Variants in CTNND2 observed in about 807,000 individuals in gnomAD.
The protein encoded by CTNND2 is catenin delta-2.
In CTNND2, 22 loss-of-function variants were observed where a neutral mutation model predicts 144.4. The observed-to-expected ratio is 0.15, with a 90% confidence interval of 0.11 to 0.22. The LOEUF is 0.22. Ranked by LOEUF, CTNND2 falls within the 10% of genes least tolerant of loss-of-function variation. The pLI is 1.00. For missense variants in CTNND2, 1,353 were observed against 1,618.8 expected (o/e 0.84, Z 2.82); for synonymous variants, 751 against 695.6 (o/e 1.08, Z -1.25).
At chr5:11,814,876 T>C (rs1372264753) in intron 1 of CTNND2, among the ~76,000 whole-genome samples, 2 of 152,214 alleles carry the variant, frequency 1.3e-5, no homozygotes, top group Non-Finnish European at 2.9e-5. Context: ...GAGAACTGAG[T>C]TGATATTTCC....
chr5:11,156,254 C>T (rs1305862254), intron 12 of CTNND2, among the ~76,000 whole-genome samples: 2 of 152,142 alleles, frequency 1.3e-5, no homozygotes, highest in Non-Finnish European at 2.9e-5. Context: ...ATATAATTTG[C>T]ATTCATAGAT....
chr5:11,097,356 T>C (rs1561297460), intron 15 of CTNND2, among the ~76,000 whole-genome samples: 1 of 152,188 alleles, frequency 6.6e-6, no homozygotes. Context: ...CAATCTCTGG[T>C]TGCAAGCAAG....
rs185862430 is a variant in CTNND2, at chr5:11,226,460, G to A, written c.1761+10231C>T. Among the ~76,000 whole-genome samples, 844 of 152,264 alleles carry A rather than the reference G, an allele frequency of 5.5e-3. 5 individuals are homozygous for A. The highest frequency in any genetic ancestry group is 8.7e-3 in the Non-Finnish European group (592 of 68,020). On this transcript the variant is annotated intron_variant, in intron 10 of 21. Coordinates refer to ENST00000304623, the MANE Select transcript of CTNND2 (RefSeq NM_001332.4). ...TCACATGTCTGATAAAGACACACTC[G>A]AGACTAGATAATTTATAAAGGAAAG...
intron 1 of CTNND2, among the ~76,000 whole-genome samples, chr5:11,879,381 A>ATATATGTATATATATATATATATATG (rs1735860498): frequency 6.9e-6 from 1 of 145,358 alleles, no homozygotes; most frequent in Non-Finnish European, 1.5e-5. Flanking sequence ...ACACAAACAT[A>ATATATGTATATATATATATATATATG]TACATACATA....
chr5:11,463,356 T>C (rs1766385194), intron 3 of CTNND2, among the ~76,000 whole-genome samples: 1 of 152,226 alleles, frequency 6.6e-6, no homozygotes, highest in African/African-American at 2.4e-5. Flanking sequence ...TTTGAGTGCT[T>C]TGGATTTTTG....
At chr5:11,772,552 A>G (rs779387129) in intron 1 of CTNND2, among the ~76,000 whole-genome samples, 9 of 152,220 alleles carry the variant, frequency 5.9e-5, no homozygotes, top group Non-Finnish European at 1.2e-4. Context: ...CAGGTGTGTG[A>G]GCTCTTAATG....
At chr5:11,792,242 A>G (rs1334264177) in intron 1 of CTNND2, among the ~76,000 whole-genome samples, 2 of 152,178 alleles carry the variant, frequency 1.3e-5, no homozygotes, top group Non-Finnish European at 2.9e-5. Context: ...TACCCTCAAA[A>G]ACTGTTAGGC....
intron 1 of CTNND2, among the ~76,000 whole-genome samples, chr5:11,785,452 T>A (rs906978275): frequency 2.6e-5 from 4 of 152,212 alleles, no homozygotes; most frequent in Non-Finnish European, 5.9e-5. Flanking sequence ...TGTTATTTTT[T>A]AAAAAACTAA....
chr5:11,874,132 C>T (rs1735372049), intron 1 of CTNND2, among the ~76,000 whole-genome samples: 1 of 152,170 alleles, frequency 6.6e-6, no homozygotes, highest in African/African-American at 2.4e-5. Flanking sequence ...AAGTCCCATC[C>T]TAGTTTTAAG....
intron 15 of CTNND2, chr5:11,083,781 G>T: frequency 4.1e-6 from 2 of 483,092 alleles, no homozygotes; most frequent in Non-Finnish European, 5.7e-6. Context: ...TCTGTGGTAG[G>T]GTCCTCCTGG....
chr5:11,826,472 T>C (rs1399347258), intron 1 of CTNND2, among the ~76,000 whole-genome samples: 1 of 152,000 alleles, frequency 6.6e-6, no homozygotes, highest in African/African-American at 2.4e-5. Flanking sequence ...TATAACACAA[T>C]GATCAAAATG....
At chr5:11,421,471 G>C (rs996123823) in intron 3 of CTNND2, among the ~76,000 whole-genome samples, 1 of 152,186 alleles carries the variant, frequency 6.6e-6, no homozygotes, top group Non-Finnish European at 1.5e-5. Context: ...CCCACTTTGA[G>C]GGGGACCGGC....
chr5:11,882,999 T>C (rs533972269), intron 1 of CTNND2, among the ~76,000 whole-genome samples: 1 of 152,322 alleles, frequency 6.6e-6, no homozygotes, highest in South Asian at 2.1e-4. Flanking sequence ...CAATATTTTA[T>C]AGTTTTAATT....
chr5:10,987,109 G>A (rs1738071091), intron 20 of CTNND2, among the ~76,000 whole-genome samples: 5 of 152,206 alleles, frequency 3.3e-5, no homozygotes, highest in Non-Finnish European at 2.9e-5. Flanking sequence ...ATGCCCATGT[G>A]GTAAAGAGGA....
At chr5:11,216,448 G>A (rs550078045) in intron 10 of CTNND2, among the ~76,000 whole-genome samples, 43 of 152,348 alleles carry the variant, frequency 2.8e-4, no homozygotes, top group Admixed American at 4.6e-4. Flanking sequence ...GAACAACAGT[G>A]TGAGACAGAC....
intron 8 of CTNND2, among the ~76,000 whole-genome samples, chr5:11,357,253 C>A (rs910133961): frequency 2.0e-5 from 3 of 151,902 alleles, no homozygotes; most frequent in African/African-American, 7.3e-5. Flanking sequence ...GCACTATTTA[C>A]AATAACCAAG....
At chr5:11,808,198 T>C (rs566021641) in intron 1 of CTNND2, among the ~76,000 whole-genome samples, 4 of 152,316 alleles carry the variant, frequency 2.6e-5, no homozygotes, top group African/African-American at 7.2e-5. Context: ...TAAACCATAA[T>C]GTGAAGACTT....
At chr5:11,088,576 A>G (rs1393543081) in intron 15 of CTNND2, among the ~76,000 whole-genome samples, 1 of 152,158 alleles carries the variant, frequency 6.6e-6, no homozygotes, top group Admixed American at 6.5e-5. Context: ...TTCTTTTGGA[A>G]CCAGAAAACA....
chr5:11,228,912 T>C (rs1205745337), intron 10 of CTNND2, among the ~76,000 whole-genome samples: 3 of 152,192 alleles, frequency 2.0e-5, no homozygotes, highest in African/African-American at 7.2e-5. Context: ...AAAAATGTTT[T>C]ATAGCAGTTA....
Sources: gnomAD v4.1 joint callset for allele counts (sites outside exome capture counted in the v4.1 genomes callset) on GRCh38, gnomAD v4.1.1 for gene constraint, MANE v1.5 for transcripts, NCBI Gene and HGNC (gene_info 2026-07-23, HGNC 2026-07-21) for gene names.